NRXN3: variants seen among roughly 807,000 people sequenced by gnomAD.
The protein encoded by NRXN3 is neurexin 3.
In NRXN3, 32 loss-of-function variants were observed where a neutral mutation model predicts 137.6. That is an observed-to-expected ratio of 0.23 (90% CI 0.18 to 0.31). The LOEUF (loss-of-function observed/expected upper bound fraction) is 0.31, where lower values mean the gene tolerates loss of function less well. NRXN3 is among the 10% of genes least tolerant of loss of function. NRXN3 has a pLI of 1.00. For missense variants in NRXN3, 1,574 were observed against 2,062.5 expected (o/e 0.76, Z 4.59); for synonymous variants, 798 against 784.5 (o/e 1.02, Z -0.29).
chr14:78,595,857 G>GGA (rs1040674688), intron 4 of NRXN3, among the ~76,000 whole-genome samples: 3 of 152,138 alleles, frequency 2.0e-5, no homozygotes, highest in Non-Finnish European at 2.9e-5. Flanking sequence ...GGGTGGCAGA[G>GGA]GAGAGAGAGA....
chr14:79,387,416 C>G (rs565455739), intron 15 of NRXN3, among the ~76,000 whole-genome samples: 1 of 152,066 alleles, frequency 6.6e-6, no homozygotes, highest in East Asian at 1.9e-4. Context: ...CCATCTCACA[C>G]CAGTTAGAAT....
chr14:78,974,022 C>T (rs1349011550), intron 14 of NRXN3, among the ~76,000 whole-genome samples: 5 of 151,924 alleles, frequency 3.3e-5, no homozygotes, highest in African/African-American at 9.7e-5. Context: ...TTTTCTTTAT[C>T]GCCTCTTAGC....
At chr14:79,202,681 T>A (rs2066219832) in intron 15 of NRXN3, among the ~76,000 whole-genome samples, 1 of 152,174 alleles carries the variant, frequency 6.6e-6, no homozygotes, top group African/African-American at 2.4e-5. Flanking sequence ...GTCTCCAAAC[T>A]CATCCAGGTC....
intron 15 of NRXN3, among the ~76,000 whole-genome samples, chr14:79,411,032 C>A (rs565878513): frequency 2.6e-5 from 4 of 152,200 alleles, no homozygotes; most frequent in Admixed American, 2.6e-4. Flanking sequence ...GGTTCTCTAA[C>A]CCCATAGTTC....
intron 4 of NRXN3, among the ~76,000 whole-genome samples, chr14:78,427,334 T>C (rs561179317): frequency 1.3e-5 from 2 of 152,306 alleles, no homozygotes; most frequent in South Asian, 2.1e-4. Context: ...GTGTTTGTTA[T>C]GAGCCAAACC....
chr14:78,937,118 A>T (rs2099342958), intron 10 of NRXN3, among the ~76,000 whole-genome samples: 2 of 148,148 alleles, frequency 1.3e-5, no homozygotes, highest in South Asian at 4.5e-4. Context: ...GCTACTCGGG[A>T]GGCTGAGGCA....
At chr14:79,804,844 A>G (rs903534040) in intron 19 of NRXN3, among the ~76,000 whole-genome samples, 2 of 152,122 alleles carry the variant, frequency 1.3e-5, no homozygotes, top group African/African-American at 4.8e-5. Flanking sequence ...ATTTATGGGG[A>G]TGGGTGAGGC....
rs150078177 is a variant in NRXN3, at chr14:78,325,664, T to C, written c.757+27804T>C. 1.9e-3 allele frequency among the ~76,000 whole-genome samples: 295 copies of C among 152,004 alleles called. 1 individual carries two copies. The highest frequency in any genetic ancestry group is 6.7e-3 in the African/African-American group (277 of 41,456). On this transcript the variant is annotated intron_variant, in intron 4 of 20. Transcript: ENST00000335750. Reference sequence around the variant, plus strand: ...CCAGAGAACAGTTTGAAAAAAAGCATAGGGTGTAAAAAAAAAGCCTAGGGT... The same window carrying C: ...CCAGAGAACAGTTTGAAAAAAAGCACAGGGTGTAAAAAAAAAGCCTAGGGT...
At chr14:78,597,174 G>A (rs1011271501) in intron 4 of NRXN3, among the ~76,000 whole-genome samples, 2 of 152,220 alleles carry the variant, frequency 1.3e-5, no homozygotes, top group Non-Finnish European at 2.9e-5. Context: ...GGTGGTCTGA[G>A]AAGCTGGAAT....
intron 15 of NRXN3, among the ~76,000 whole-genome samples, chr14:79,252,670 A>G (rs2076093179): frequency 6.6e-6 from 1 of 152,170 alleles, no homozygotes; most frequent in Non-Finnish European, 1.5e-5. Context: ...GAAAAGTGGG[A>G]TAATGTTAAG....
intron 16 of NRXN3, among the ~76,000 whole-genome samples, chr14:79,525,270 T>C (rs2153708876): frequency 6.6e-6 from 1 of 152,292 alleles, no homozygotes; most frequent in South Asian, 2.1e-4. Flanking sequence ...TTTCCAGGTA[T>C]ATTTTTTAAA....
At chr14:79,679,545 A>G (rs2098658706) in intron 17 of NRXN3, among the ~76,000 whole-genome samples, 2 of 152,188 alleles carry the variant, frequency 1.3e-5, no homozygotes, top group Admixed American at 6.6e-5. Flanking sequence ...GAGGTGGCCA[A>G]TAGTTGTCAA....
chr14:78,649,585 C>G (rs1321779054), intron 5 of NRXN3, among the ~76,000 whole-genome samples: 1 of 115,596 alleles, frequency 8.7e-6, no homozygotes, highest in East Asian at 2.4e-4. Flanking sequence ...TTTTTTAAAT[C>G]TCTATTTGGC....
intron 19 of NRXN3, among the ~76,000 whole-genome samples, chr14:79,717,832 G>T (rs374134604): frequency 1.3e-5 from 2 of 152,112 alleles, no homozygotes; most frequent in African/African-American, 4.8e-5. Flanking sequence ...AAATGAAGGG[G>T]TTTGACTTTG....
At chr14:79,799,083 G>T (rs549738787) in intron 19 of NRXN3, among the ~76,000 whole-genome samples, 4 of 152,192 alleles carry the variant, frequency 2.6e-5, no homozygotes, top group African/African-American at 4.8e-5. Flanking sequence ...AGGAAAAAAA[G>T]AACATAAATG....
At chr14:79,274,227 A>G (rs1398699075) in intron 15 of NRXN3, among the ~76,000 whole-genome samples, 2 of 152,020 alleles carry the variant, frequency 1.3e-5, no homozygotes, top group Non-Finnish European at 2.9e-5. Flanking sequence ...TGCACTCTCA[A>G]AGTGTCTTGC....
At chr14:78,916,938 A>G (rs913317495) in intron 10 of NRXN3, among the ~76,000 whole-genome samples, 3 of 152,100 alleles carry the variant, frequency 2.0e-5, no homozygotes, top group African/African-American at 7.2e-5. Context: ...CCTGCTGAAC[A>G]TGTCTGTGTC....
intron 17 of NRXN3, among the ~76,000 whole-genome samples, chr14:79,690,710 G>A (rs1048064368): frequency 5.3e-5 from 8 of 151,944 alleles, no homozygotes; most frequent in South Asian, 2.1e-4. Context: ...ATTGCTACCC[G>A]TTTCCTATCC....
At chr14:79,084,012 C>T (rs575267225) in intron 15 of NRXN3, among the ~76,000 whole-genome samples, 121 of 152,214 alleles carry the variant, frequency 7.9e-4, no homozygotes, top group South Asian at 3.3e-3. Context: ...TAAGCTCAAG[C>T]GATCCTCCCA....
Sources: allele counts gnomAD v4.1 joint callset (sites outside exome capture counted in the v4.1 genomes callset), GRCh38; gene constraint gnomAD v4.1.1; transcripts MANE v1.5; gene names NCBI Gene and HGNC (gene_info 2026-07-23, HGNC 2026-07-21).